SYNPR: variants seen among roughly 807,000 people sequenced by gnomAD.
The protein encoded by SYNPR is synaptoporin.
Under a neutral mutation model 32.9 loss-of-function variants are expected in SYNPR, and 23 were observed. That is an observed-to-expected ratio of 0.70 (90% CI 0.50 to 0.99). The LOEUF (loss-of-function observed/expected upper bound fraction) is 0.99. Ranked by LOEUF, SYNPR falls within the 50% of genes least tolerant of loss-of-function variation. The pLI is 0.00. For missense variants in SYNPR, 318 were observed against 349.3 expected (o/e 0.91, Z 0.71); for synonymous variants, 146 against 135.9 (o/e 1.07, Z -0.52).
At chr3:63,583,991 A>G (rs1484122346) in intron 4 of SYNPR, among the ~76,000 whole-genome samples, 8 of 152,190 alleles carry the variant, frequency 5.3e-5, no homozygotes, top group Admixed American at 5.2e-4. Context: ...ACAGAGGAGG[A>G]GTAGATGGGG....
At chr3:63,465,029 A>G (rs753182074) in intron 2 of SYNPR, among the ~76,000 whole-genome samples, 5 of 152,190 alleles carry the variant, frequency 3.3e-5, no homozygotes, top group Non-Finnish European at 7.3e-5. Context: ...GTACTCAGAA[A>G]CTAAAACCAA....
chr3:63,222,159 T>C, the SYNPR span, among the ~76,000 whole-genome samples: 8 of 151,866 alleles, frequency 5.3e-5, no homozygotes, highest in South Asian at 1.7e-3. Context: ...TAGAATAGAA[T>C]TGAGCAACTG....
chr3:63,362,707 T>C (rs112806931), intron 2 of SYNPR, among the ~76,000 whole-genome samples: 1,545 of 152,206 alleles, frequency 0.01, 19 homozygotes, highest in African/African-American at 0.035. Context: ...CTAACTTTAT[T>C]AGGGTGGGTA....
At chr3:63,274,648 G>T (rs2086560303), upstream of SYNPR, among the ~76,000 whole-genome samples, 2 of 152,212 alleles carry the variant, frequency 1.3e-5, no homozygotes, top group South Asian at 4.1e-4. Context: ...GCTGTTTACA[G>T]TATCTAGAAC....
At chr3:63,531,795 T>C (rs1702117211) in intron 3 of SYNPR, among the ~76,000 whole-genome samples, 1 of 152,136 alleles carries the variant, frequency 6.6e-6, no homozygotes, top group Non-Finnish European at 1.5e-5. Context: ...TCCTCCCAAA[T>C]AAACAAAGAT....
chr3:63,273,293 G>C (rs1018125715), intron 3 of SYNPR, among the ~76,000 whole-genome samples: 2 of 152,146 alleles, frequency 1.3e-5, no homozygotes, highest in African/African-American at 4.8e-5. Flanking sequence ...TCCTGACTCT[G>C]CTGTTTACTC....
At chr3:63,498,978 A>G (rs1701427749) in intron 3 of SYNPR, among the ~76,000 whole-genome samples, 1 of 151,790 alleles carries the variant, frequency 6.6e-6, no homozygotes, top group Admixed American at 6.6e-5. Context: ...AAAAAATTAA[A>G]AAAAAAAAAC....
At chr3:63,319,884 G>C (rs1402913083) in intron 2 of SYNPR, among the ~76,000 whole-genome samples, 1 of 151,996 alleles carries the variant, frequency 6.6e-6, no homozygotes, top group African/African-American at 2.4e-5. Flanking sequence ...ATGAAGAATG[G>C]AGGTTGCTTT....
chr3:63,284,113 G>T (rs2086658351), intron 2 of SYNPR, among the ~76,000 whole-genome samples: 2 of 152,090 alleles, frequency 1.3e-5, no homozygotes, highest in African/African-American at 2.4e-5. Context: ...CGACCCACAG[G>T]TAATTCTTAT....
At chr3:63,355,260 CAG>C (rs2087562137) in intron 2 of SYNPR, among the ~76,000 whole-genome samples, 1 of 143,914 alleles carries the variant, frequency 6.9e-6, no homozygotes, top group South Asian at 2.2e-4. Context: ...GCCTGGGTGA[CAG>C]AGTGAGACCC....
intron 2 of SYNPR, among the ~76,000 whole-genome samples, chr3:63,330,920 C>T (rs1303510103): frequency 6.6e-6 from 1 of 152,048 alleles, no homozygotes; most frequent in Non-Finnish European, 1.5e-5. Context: ...AGAAAAGTTT[C>T]TACGATGAAA....
intron 4 of SYNPR, among the ~76,000 whole-genome samples, chr3:63,578,644 G>T (rs922292680): frequency 1.3e-5 from 2 of 152,096 alleles, no homozygotes; most frequent in Admixed American, 1.3e-4. Flanking sequence ...CCATCTAAAA[G>T]ATTTTGAAAT....
intron 2 of SYNPR, among the ~76,000 whole-genome samples, chr3:63,401,010 G>T (rs1275652113): frequency 6.6e-6 from 1 of 151,922 alleles, no homozygotes; most frequent in Non-Finnish European, 1.5e-5. Context: ...CAACATGGGG[G>T]TATAGGAATT....
intron 2 of SYNPR, chr3:63,451,966 C>T: frequency 1.6e-6 from 1 of 641,004 alleles, no homozygotes; most frequent in South Asian, 1.8e-5. Flanking sequence ...TATTTATAAA[C>T]TCCTCAACTT....
At chr3:63,546,830 C>T (rs1702413310) in intron 3 of SYNPR, among the ~76,000 whole-genome samples, 1 of 152,124 alleles carries the variant, frequency 6.6e-6, no homozygotes, top group South Asian at 2.1e-4. Flanking sequence ...TTGTCTTTCA[C>T]TTAGATTTTT....
chr3:63,343,462 GAGA>G (rs1301823577), intron 2 of SYNPR, among the ~76,000 whole-genome samples: 1 of 152,206 alleles, frequency 6.6e-6, no homozygotes, highest in East Asian at 1.9e-4. Context: ...CACTGGTGGA[GAGA>G]AGGAGGCAGA....
At chr3:63,234,983 A>T (rs532488077) in intron 1 of SYNPR, among the ~76,000 whole-genome samples, 1 of 152,152 alleles carries the variant, frequency 6.6e-6, no homozygotes, top group Non-Finnish European at 1.5e-5. Context: ...TCTCCCCCCA[A>T]TGGAGGACGT....
chr3:63,417,287 T>C (rs1402746397), intron 2 of SYNPR, among the ~76,000 whole-genome samples: 1 of 152,256 alleles, frequency 6.6e-6, no homozygotes, highest in African/African-American at 2.4e-5. Flanking sequence ...TGACTCCATG[T>C]CTCACATCCA....
intron 3 of SYNPR, among the ~76,000 whole-genome samples, chr3:63,506,513 A>C (rs578007301): frequency 4.5e-4 from 69 of 152,304 alleles, no homozygotes; most frequent in Admixed American, 1.4e-3. Flanking sequence ...GAAAGGATTT[A>C]AATGCTGTTG....
Sources: allele counts gnomAD v4.1 joint callset (sites outside exome capture counted in the v4.1 genomes callset), GRCh38; gene constraint gnomAD v4.1.1; transcripts MANE v1.5; gene names NCBI Gene and HGNC (gene_info 2026-07-23, HGNC 2026-07-21).